Variants in MTSS1 observed in about 807,000 individuals in gnomAD.
MTSS1 encodes MTSS I-BAR domain containing 1.
A neutral mutation model predicts 79.0 loss-of-function variants in MTSS1; 18 were observed. The observed-to-expected ratio is 0.23, with a 90% CI of 0.16 to 0.34. The LOEUF (loss-of-function observed/expected upper bound fraction) is 0.34, where lower values mean the gene tolerates loss of function less well. Among genes scored for constraint, MTSS1 ranks in the 10% least tolerant of loss-of-function variants. The probability of loss-of-function intolerance (pLI) is 1.00; values close to 1 mark genes in which losing one functional copy is unlikely to be tolerated. For missense variants in MTSS1, 815 were observed against 986.2 expected, an observed-to-expected ratio of 0.83 and a Z score of 2.33; for synonymous variants, 341 against 368.6, an observed-to-expected ratio of 0.93 and a Z score of 0.86.
chr8:124,694,063 C>T (rs572728864), intron 3 of MTSS1, among the ~76,000 whole-genome samples: 6 of 152,210 alleles, frequency 3.9e-5, no homozygotes, highest in Non-Finnish European at 7.4e-5. Context: ...CTAACTACCG[C>T]ATATAGACTT....
intron 3 of MTSS1, among the ~76,000 whole-genome samples, chr8:124,691,944 A>G (rs889535898): frequency 6.6e-6 from 1 of 152,130 alleles, no homozygotes; most frequent in South Asian, 2.1e-4. Context: ...TTGAAAAAAA[A>G]TTGTTTTCAG....
rs73707003 is a variant in MTSS1, at chr8:124,699,687, A to G, written c.135-88T>C. ...TCAAGGCCTAAAACCTCTGCTAAGG[A>G]GTACATGTAACCTTCCTCCAGAAAT... On this transcript the variant is annotated intron_variant, in intron 2 of 13. Transcript: ENST00000518547. 3.8e-3 allele frequency: 4,542 copies of G among 1,189,236 alleles called. 125 individuals carry two copies. In the African/African-American group the frequency reaches 0.059, roughly 15 times the overall value. The allele number at this position is 1,189,236 out of a possible 1,614,324, so 73.7% of individuals were successfully genotyped here.
chr8:124,622,638 CACA>C (rs1228368907), intron 3 of MTSS1, among the ~76,000 whole-genome samples: 1 of 151,470 alleles, frequency 6.6e-6, no homozygotes, highest in Non-Finnish European at 1.5e-5. Context: ...CTACTAAAAC[CACA>C]ACAATTAGCT....
At position 124,679,272 on chromosome 8, in the gene MTSS1, C is replaced by T. The variant is rs137878321; in HGVS notation, c.208+20254G>A. On this transcript the variant is annotated intron_variant, in intron 3 of 13. Transcript: ENST00000518547. ...TCTAATAGGTAGGTATGACCATCCT[C>T]ACTGCAGTCGCACACTGTAGTGGCT... Among the ~76,000 whole-genome samples, 339 of 152,316 alleles carry T rather than the reference C, an allele frequency of 2.2e-3. 2 individuals are homozygous for T. Among genetic ancestry groups the T allele is most frequent in the African/African-American group, 8.0e-3 (332 of 41,572 alleles).
intron 3 of MTSS1, among the ~76,000 whole-genome samples, chr8:124,629,522 A>AAG (rs1554682597): frequency 0.047 from 6,709 of 142,556 alleles, 156 homozygotes; most frequent in Middle Eastern, 0.074. Context: ...AAAAAAAAAA[A>AAG]AAAAGAAAAG....
At chr8:124,718,507 G>A (rs1279514507) in intron 1 of MTSS1, among the ~76,000 whole-genome samples, 4 of 151,950 alleles carry the variant, frequency 2.6e-5, no homozygotes, top group African/African-American at 4.8e-5. Context: ...TCAGGCCCTC[G>A]ATCACATCCT....
intron 3 of MTSS1, among the ~76,000 whole-genome samples, chr8:124,679,073 A>C (rs1031702354): frequency 6.6e-6 from 1 of 152,234 alleles, no homozygotes; most frequent in African/African-American, 2.4e-5. Context: ...TCTGGTCCAC[A>C]GCAAGTGCTA....
intron 10 of MTSS1, 148 bp downstream of exon 10, chr8:124,562,634 A>G: frequency 2.6e-6 from 2 of 769,938 alleles, no homozygotes; most frequent in Non-Finnish European, 4.1e-6. Context: ...GGGGAACAAT[A>G]CATCTAAAGA....
At chr8:124,640,710 A>C (rs1817876735) in intron 3 of MTSS1, among the ~76,000 whole-genome samples, 2 of 151,840 alleles carry the variant, frequency 1.3e-5, no homozygotes, top group Non-Finnish European at 2.9e-5. Flanking sequence ...TGCCCGGCTA[A>C]TTTTTGTATT....
rs534546610 is a variant in MTSS1, at chr8:124,570,595, G to A, written c.461-2059C>T. On this transcript the variant is annotated intron_variant, in intron 6 of 13. Transcript: ENST00000518547. Reference sequence around the variant, plus strand: ...AAAAACCACAGTATATGTAAGGTTCGGGTACTATCTGCAGTTTTAGGCATC... The same window carrying A: ...AAAAACCACAGTATATGTAAGGTTCAGGTACTATCTGCAGTTTTAGGCATC... Among the ~76,000 whole-genome samples the A allele has an allele frequency of 3.5e-4, 54 of 152,260 alleles. 2 individuals carry two copies. The South Asian group carries it at 0.011, about 30-fold the overall frequency.
chr8:124,701,236 C>T (rs1287465631), intron 2 of MTSS1, among the ~76,000 whole-genome samples: 2 of 151,698 alleles, frequency 1.3e-5, no homozygotes, highest in Admixed American at 6.6e-5. Flanking sequence ...TACCCTCTCT[C>T]AAAAAGAAAG....
At chr8:124,556,464 G>A in intron 11 of MTSS1, 59 bp from the exon 12 acceptor site, 1 of 1,529,186 alleles carries the variant, frequency 6.5e-7, no homozygotes, top group Non-Finnish European at 8.8e-7. Flanking sequence ...AGGGCTGCGG[G>A]GACCCCATAG....
chr8:124,707,777 G>A (rs1012089357), intron 1 of MTSS1, among the ~76,000 whole-genome samples: 1 of 152,158 alleles, frequency 6.6e-6, no homozygotes, highest in African/African-American at 2.4e-5. Flanking sequence ...TCAGGAGGCT[G>A]AGGTGGGAGA....
At chr8:124,716,027 C>G (rs539970083) in intron 1 of MTSS1, among the ~76,000 whole-genome samples, 1 of 152,318 alleles carries the variant, frequency 6.6e-6, no homozygotes, top group Non-Finnish European at 1.5e-5. Context: ...CGATGCCAAT[C>G]ACCCTGACTG....
chr8:124,618,524 G>A (rs759009974), intron 3 of MTSS1, among the ~76,000 whole-genome samples: 16 of 152,206 alleles, frequency 1.1e-4, no homozygotes, highest in Admixed American at 4.6e-4. Flanking sequence ...AGCTGGCAGA[G>A]TAGACTCGGT....
Position 124,563,410 on chromosome 8 carries a change from C to G in MTSS1, c.825-418G>C, listed in dbSNP as rs16899704. The stretch of plus-strand genomic sequence containing the variant: ...GCCTGCAGGAACCATGAGCCTGCAG[C>G]AAAAGTCCACTGGGGCTTCAGCATG... On this transcript the variant is annotated intron_variant, in intron 9 of 13. Transcript: ENST00000518547. 9.9e-3 allele frequency: 2,050 copies of G among 207,878 alleles called. 44 individuals carry two copies. The highest frequency in any genetic ancestry group is 0.046 in the African/African-American group (1,958 of 42,260). 12.9% of individuals were successfully genotyped at this position (207,878 alleles called of 1,614,324 possible).
At chr8:124,556,026 C>T in intron 12 of MTSS1, 122 bp from the exon 13 acceptor site, 1 of 1,542,356 alleles carries the variant, frequency 6.5e-7, no homozygotes, top group Non-Finnish European at 8.7e-7. Context: ...TTGCTTGGGT[C>T]CCACTCTGAC....
chr8:124,646,587 G>A (rs978431750), intron 3 of MTSS1, among the ~76,000 whole-genome samples: 1 of 152,078 alleles, frequency 6.6e-6, no homozygotes, highest in African/African-American at 2.4e-5. Flanking sequence ...CTATTACTGA[G>A]AAGACAGAAG....
At chr8:124,685,516 C>T (rs887836437) in intron 3 of MTSS1, among the ~76,000 whole-genome samples, 1 of 152,120 alleles carries the variant, frequency 6.6e-6, no homozygotes, top group East Asian at 1.9e-4. Flanking sequence ...GGAGGAAAGG[C>T]GTCCTGGAGG....
Sources: gnomAD v4.1 joint callset for allele counts (sites outside exome capture counted in the v4.1 genomes callset) on GRCh38, gnomAD v4.1.1 for gene constraint, MANE v1.5 for transcripts, NCBI Gene and HGNC (gene_info 2026-07-23, HGNC 2026-07-21) for gene names.